The following FAM114A2 variants were observed in gnomAD, a reference collection of about 807,000 sequenced individuals.
The protein encoded by FAM114A2 is protein FAM114A2.
A neutral mutation model predicts 58.4 loss-of-function variants in FAM114A2; 53 were observed. The observed-to-expected ratio is 0.91, with a 90% confidence interval of 0.73 to 1.14. FAM114A2 has a LOEUF of 1.14. Ranked by LOEUF, FAM114A2 falls within the 50% of genes most tolerant of loss-of-function variation. The pLI is 0.00. For synonymous variants in FAM114A2, 228 were observed against 211.4 expected, an observed-to-expected ratio of 1.08 and a Z score of -0.68; for missense variants, 601 against 581.1, an observed-to-expected ratio of 1.03 and a Z score of -0.35.
In FAM114A2 at chr5:153,991,735, G is replaced by C. The variant is rs1378428652; in HGVS notation, c.*1241C>G. Reference sequence around the variant, plus strand: ...TGGTCTAAGTAAGATATTAGGGCTCGTGTTTACAAAAGTAAATGAAAGGAT... The same window carrying C: ...TGGTCTAAGTAAGATATTAGGGCTCCTGTTTACAAAAGTAAATGAAAGGAT... On this transcript the variant is annotated 3_prime_UTR_variant, in exon 14 of 14. Transcript: ENST00000351797. 1 of 143,484 alleles carries C rather than the reference G, an allele frequency of 7.0e-6. No individual in the cohort carries two copies. Among genetic ancestry groups the C allele is most frequent in the Non-Finnish European group, 1.5e-5 (1 of 66,526 alleles). 8.9% of individuals were successfully genotyped at this position (143,484 alleles called of 1,614,324 possible). A position where few individuals can be genotyped will look rare whatever the true frequency, so the allele number is the denominator to read the frequency against.
At chr5:153,997,729 A>G (rs1769672662) in intron 12 of FAM114A2, 74 bp downstream of exon 12, 11 of 926,744 alleles carry the variant, frequency 1.2e-5, no homozygotes, top group Non-Finnish European at 1.9e-5. Flanking sequence ...ACTTAAAGTG[A>G]GCAAATTTTA....
rs535298331 is a variant in FAM114A2, at chr5:154,002,704, T to G, written c.1116+143A>C. ...TTTCTTCACTCCTCCTTTAATCTTA[T>G]AGTCTGGATCTAAGATGCTACAATC... On this transcript the variant is annotated intron_variant, in intron 10 of 13. Coordinates refer to ENST00000351797, the MANE Select transcript of FAM114A2 (RefSeq NM_018691.4). 6.2e-4 allele frequency: 543 copies of G among 875,762 alleles called. 12 individuals carry two copies. In the South Asian group the frequency reaches 8.1e-3, roughly 13 times the overall value. 54.2% of individuals were successfully genotyped at this position (875,762 alleles called of 1,614,324 possible).
chr5:153,997,438 C>A (rs1179404486), intron 12 of FAM114A2, among the ~76,000 whole-genome samples: 6 of 152,110 alleles, frequency 3.9e-5, no homozygotes, highest in African/African-American at 1.4e-4. Context: ...ATACATGCTA[C>A]AATGTGGATA....
chr5:154,032,567 C>T (rs553409557), intron 4 of FAM114A2, among the ~76,000 whole-genome samples: 1 of 152,292 alleles, frequency 6.6e-6, no homozygotes, highest in East Asian at 1.9e-4. Context: ...GCTGCTACAT[C>T]AAGAACATGA....
At position 154,034,744 on chromosome 5, in the gene FAM114A2, C is replaced by T. The variant is rs201353319; in HGVS notation, c.210G>A (p.Gln70=). 1.9e-6 allele frequency: 3 copies of T among 1,606,054 alleles called. No homozygotes were observed. The highest frequency in any genetic ancestry group is 3.3e-4 in the Middle Eastern group (2 of 6,070). The change falls in exon 2 of 14, where the codon CAG becomes CAA. Residue 70 remains glutamine (Q), a splice_region_variant and synonymous_variant. Transcript: ENST00000351797. ...CTACTTTTTCTGTGGTCTGTGATAC[C>T]TGAATAGGGAGAACTTTTGAAGTCT... ...DLETSKVLPI[Q]DNVSKDVPQT...
chr5:154,017,530 C>A (rs1420128922), intron 8 of FAM114A2, among the ~76,000 whole-genome samples: 1 of 152,178 alleles, frequency 6.6e-6, no homozygotes, highest in Non-Finnish European at 1.5e-5. Context: ...CAACACTTGA[C>A]AGGTCATCAA....
intron 1 of FAM114A2, chr5:154,038,385 C>G (rs1425028149): frequency 6.6e-6 from 1 of 152,234 alleles, no homozygotes. Context: ...GAAGTCAGGT[C>G]ACCTGTCTGC....
In FAM114A2 at chr5:154,015,405, G is replaced by A. The variant is rs575329685; in HGVS notation, c.914-4085C>T. Among the ~76,000 whole-genome samples, 170 of 152,138 alleles carry A rather than the reference G, an allele frequency of 1.1e-3. 1 individual carries two copies. Among genetic ancestry groups the A allele is most frequent in the African/African-American group, 1.5e-3 (64 of 41,498 alleles). ...CCGACACCTCCAGCAAAACAGGTGC[G>A]GGTATCCACAGCTGAGAGACCCACA... On this transcript the variant is annotated intron_variant, in intron 8 of 13. Transcript: ENST00000351797.
chr5:154,013,272 T>C (rs1316124771), intron 8 of FAM114A2, among the ~76,000 whole-genome samples: 1 of 152,152 alleles, frequency 6.6e-6, no homozygotes, highest in Non-Finnish European at 1.5e-5. Context: ...GAAGACTCCT[T>C]CTGAAAAAAG....
chr5:153,995,272 G>T, intron 12 of FAM114A2: 1 of 235,596 alleles, frequency 4.2e-6, no homozygotes, highest in Non-Finnish European at 8.3e-6. Flanking sequence ...AACAAAACAT[G>T]TAGATATGGA....
At position 154,011,273 on chromosome 5, in the gene FAM114A2, G is replaced by A. The variant is rs777658551; in HGVS notation, c.961C>T (p.His321Tyr). The A allele has an allele frequency of 1.2e-6, 2 of 1,612,286 alleles. No homozygotes were observed. The highest frequency in any genetic ancestry group is 1.7e-6 in the Non-Finnish European group (2 of 1,179,062). The change falls in exon 9 of 14, where the codon CAC becomes TAC. Residue 321 changes from histidine (H) to tyrosine (Y), a missense_variant. His to Tyr is a moderately conservative substitution (Grantham distance 83). Transcript: ENST00000351797. Reference sequence around the variant, plus strand: ...AGTTTCTCTGGTTTGGAGGAAACGTGCAGCTGGGAAAACAGCTCTGTTATG... The same window carrying A: ...AGTTTCTCTGGTTTGGAGGAAACGTACAGCTGGGAAAACAGCTCTGTTATG... ...KDITELFSQLHVSSKPEKLAR... is the reference protein window; with the variant it reads ...KDITELFSQLYVSSKPEKLAR...
At chr5:153,999,805 AAATT>A (rs1769847878) in intron 11 of FAM114A2, among the ~76,000 whole-genome samples, 2 of 152,224 alleles carry the variant, frequency 1.3e-5, no homozygotes, top group African/African-American at 4.8e-5. Flanking sequence ...ATAAATAAAT[AAATT>A]ATATCAAAGG....
At chr5:154,007,888 T>C (rs990375723) in intron 9 of FAM114A2, among the ~76,000 whole-genome samples, 2 of 151,958 alleles carry the variant, frequency 1.3e-5, no homozygotes, top group African/African-American at 4.8e-5. Flanking sequence ...TTATTACAAC[T>C]CACCTCACAG....
chr5:154,028,354 T>A (rs1359604336), intron 5 of FAM114A2, 71 bp from the exon 6 acceptor site: 5 of 1,061,936 alleles, frequency 4.7e-6, no homozygotes, highest in Non-Finnish European at 5.4e-6. Context: ...TATTATGTAT[T>A]TATTATATAA....
chr5:154,005,237 G>T (rs1172178779), intron 9 of FAM114A2, among the ~76,000 whole-genome samples: 1 of 152,136 alleles, frequency 6.6e-6, no homozygotes. Context: ...TTCTTTTGGT[G>T]GCAGGTTCTA....
Position 154,029,402 on chromosome 5 carries a change from T to C in FAM114A2, c.495+87A>G, listed in dbSNP as rs931366145. ...CTCCTTTAAAAGTAATCAGTCCACA[T>C]GGCTGTTCAAAGAAAAGAGAGAGAA... On this transcript the variant is annotated intron_variant, in intron 5 of 13. Coordinates refer to ENST00000351797, the MANE Select transcript of FAM114A2 (RefSeq NM_018691.4). The C allele has an allele frequency of 1.7e-5, 14 of 801,940 alleles. No homozygotes were observed. The East Asian group carries it at 3.2e-4, about 18-fold the overall frequency. The allele number at this position is 801,940 out of a possible 1,614,324, so 49.7% of individuals were successfully genotyped here. A position where few individuals can be genotyped will look rare whatever the true frequency, so the allele number is the denominator to read the frequency against.
Position 154,034,340 on chromosome 5 carries a change from C to T in FAM114A2, c.248G>A (p.Gly83Asp). ...VSKDVPQTRW[G>D]YWGSWGKSIL... ...GGACTTGCCCCAGCTCCCCCAATAA[C>T]CCCATCTGGTCTGGGGTACATCTTT... The change falls in exon 3 of 14, where the codon GGT (glycine) becomes GAT (aspartate). Residue 83 changes from glycine to aspartate, a missense_variant. Transcript: ENST00000351797. 1 of 1,600,296 alleles carries T rather than the reference C, an allele frequency of 6.2e-7. No individual in the cohort carries two copies.
chr5:154,013,988 A>T (rs1461708736), intron 8 of FAM114A2, among the ~76,000 whole-genome samples: 1 of 152,236 alleles, frequency 6.6e-6, no homozygotes, highest in African/African-American at 2.4e-5. Flanking sequence ...CAGAAGCTCA[A>T]TGTTAAGTAA....
chr5:154,029,056 G>A (rs1771999822), intron 5 of FAM114A2, among the ~76,000 whole-genome samples: 1 of 152,068 alleles, frequency 6.6e-6, no homozygotes, highest in Non-Finnish European at 1.5e-5. Flanking sequence ...AAGATATTTA[G>A]CTTCCTAGAT....
Sources: allele counts gnomAD v4.1 joint callset (sites outside exome capture counted in the v4.1 genomes callset), GRCh38; gene constraint gnomAD v4.1.1; transcripts MANE v1.5; gene names NCBI Gene and HGNC (gene_info 2026-07-23, HGNC 2026-07-21).